Variants in LCN12 observed in about 807,000 individuals in gnomAD.
LCN12 encodes the protein lipocalin 12, also known as epididymal-specific lipocalin-12.
In LCN12, 15 loss-of-function variants were observed where a neutral mutation model predicts 23.7. That is an observed-to-expected ratio of 0.63 (90% CI 0.42 to 0.97). The LOEUF (loss-of-function observed/expected upper bound fraction) is 0.97. Among genes scored for constraint, LCN12 ranks in the 50% least tolerant of loss-of-function variants. LCN12 has a pLI of 0.00. For missense variants in LCN12, 219 were observed against 249.6 expected (o/e 0.88, Z 0.83); for synonymous variants, 116 against 111.5 (o/e 1.04, Z -0.25).
At chr9:136,952,242 G>T, upstream of LCN12, 2 of 914,534 alleles carry the variant, frequency 2.2e-6, no homozygotes, top group Non-Finnish European at 3.5e-6. Context: ...CACCTGCTGG[G>T]TATGTGCATG....
chr9:136,950,072 G>T (rs901619204), upstream of LCN12, among the ~76,000 whole-genome samples: 7 of 150,820 alleles, frequency 4.6e-5, no homozygotes, highest in Non-Finnish European at 1.0e-4. Flanking sequence ...CGTCCTGCAC[G>T]GCCCGTTCCA....
upstream of LCN12, among the ~76,000 whole-genome samples, chr9:136,950,914 G>C (rs888521723): frequency 5.3e-5 from 8 of 152,036 alleles, no homozygotes; most frequent in Non-Finnish European, 1.0e-4. Context: ...GAGGCCCAGG[G>C]CACCTCCTGG....
Position 136,953,173 on chromosome 9 carries a change from G to A in LCN12, c.251+145G>A. ...CCTGCCAATGACCAAACCCAGCTGG[G>A]GAGTATACAAAAAAGTGTGGGCAGC... On this transcript the variant is annotated intron_variant, in intron 2 of 5. Coordinates refer to ENST00000371633, the MANE Select transcript of LCN12 (RefSeq NM_178536.4). 3.5e-6 allele frequency: 4 copies of A among 1,151,366 alleles called. No homozygotes were observed. In the South Asian group the frequency reaches 5.8e-5, roughly 17 times the overall value. 71.3% of individuals were successfully genotyped at this position (1,151,366 alleles called of 1,614,324 possible).
chr9:136,951,108 C>A (rs781314664), upstream of LCN12, among the ~76,000 whole-genome samples: 1 of 150,610 alleles, frequency 6.6e-6, no homozygotes, highest in Non-Finnish European at 1.5e-5. Flanking sequence ...ACATGGAGTC[C>A]AGCACCCAGA....
intron 5 of LCN12, chr9:136,954,649 C>T (rs959498645): frequency 7.0e-6 from 8 of 1,144,236 alleles, no homozygotes; most frequent in African/African-American, 4.8e-5. Context: ...CCATCTCCTC[C>T]CTCTGGGTCC....
At chr9:136,953,208 T>C in intron 2 of LCN12, 180 bp downstream of exon 2, 1 of 772,890 alleles carries the variant, frequency 1.3e-6, no homozygotes, top group Non-Finnish European at 2.1e-6. Flanking sequence ...CTGGGCGCGC[T>C]GGCTCACACC....
Position 136,954,197 on chromosome 9 carries a change from C to T in LCN12, c.492C>T (p.Ile164=), listed in dbSNP as rs778293840. 46 of 1,576,142 alleles carry T rather than the reference C, an allele frequency of 2.9e-5. No homozygotes were observed. The highest frequency in any genetic ancestry group is 4.1e-5 in the African/African-American group (3 of 74,024). ...CTCCCGGGACGCTGGACCAGTTCAT[C>T]TGCCTGGGCAGAGCTCAGGGCCTCT... ...LLPPGTLDQF[I]CLGRAQGLSD... Residue 164 remains isoleucine, a synonymous_variant, in exon 5 of 6, where the codon ATC becomes ATT. Transcript: ENST00000371633.
rs376253287 is a variant in LCN12 at position 136,953,888 on chromosome 9, C to A, written c.372C>A (p.Ser124Arg). 2.5e-6 allele frequency: 4 copies of A among 1,608,492 alleles called. No individual in the cohort carries two copies. The South Asian group carries it at 3.3e-5, about 13-fold the overall frequency. ...ADREETRVVD[S>R]DYTQFALMLS... The stretch of plus-strand genomic sequence containing the variant: ...GAGAGGAGACCCGGGTGGTGGACAG[C>A]GACTACACCCAGTTCGCCCTGATGC... The change falls in exon 4 of 6, where the codon AGC becomes AGA. Residue 124 changes from serine to arginine, a missense_variant. Ser to Arg is a moderately radical substitution (Grantham distance 110). Transcript: ENST00000371633.
upstream of LCN12, among the ~76,000 whole-genome samples, chr9:136,949,235 T>TA (rs1380320501): frequency 8.6e-5 from 13 of 151,712 alleles, no homozygotes; most frequent in Non-Finnish European, 1.3e-4. Context: ...CATCTCTATT[T>TA]AAAAAAAAAG....
At chr9:136,954,489 C>G (rs1181150601) in intron 5 of LCN12, 1 of 598,500 alleles carries the variant, frequency 1.7e-6, no homozygotes, top group Non-Finnish European at 3.0e-6. Context: ...GTCTCCTGTC[C>G]CGGGCCACCT....
rs758161249 is a variant in LCN12 at position 136,953,059 on chromosome 9, G to A, written c.251+31G>A. 5 of 1,611,126 alleles carry A rather than the reference G, an allele frequency of 3.1e-6. No homozygotes were observed. In the Admixed American group the frequency reaches 6.7e-5, roughly 21 times the overall value. On this transcript the variant is annotated intron_variant, in intron 2 of 5. Transcript: ENST00000371633. ...TGGCTGTCCCTGCCGTTCCAAGCGG[G>A]TGAGGAGGATCCCGGGCCTGGGTCC...
Position 136,955,492 on chromosome 9 carries a change from C to T in LCN12, c.*93C>T. ...CTCAAACCTGAATAAATGCACCAAG[C>T]CCAGAGCCCCAGAGTGTGACCACTA... On this transcript the variant is annotated 3_prime_UTR_variant, in exon 6 of 6. Transcript: ENST00000371633. The T allele has an allele frequency of 7.6e-7, 1 of 1,319,092 alleles. No individual in the cohort carries two copies. Among genetic ancestry groups the T allele is most frequent in the Non-Finnish European group, 1.1e-6 (1 of 931,318 alleles). 81.7% of individuals were successfully genotyped at this position (1,319,092 alleles called of 1,614,324 possible).
At position 136,953,001 on chromosome 9, in the gene LCN12, G is replaced by A. The variant is rs748769649; in HGVS notation, c.224G>A (p.Arg75His). 30 of 1,613,942 alleles carry A rather than the reference G, an allele frequency of 1.9e-5. No individual in the cohort carries two copies. Among genetic ancestry groups the A allele is most frequent in the South Asian group, 1.3e-4 (12 of 91,090 alleles). The change falls in exon 2 of 6, where the codon CGC becomes CAC. Residue 75 changes from arginine (R) to histidine (H), a missense_variant. Arg to His is a conservative substitution (Grantham distance 29). Transcript: ENST00000371633. ...TATFELSDDGRFEVWNAMTRG... is the reference protein window; with the variant it reads ...TATFELSDDGHFEVWNAMTRG... The stretch of plus-strand genomic sequence containing the variant: ...ACTTTTGAGCTAAGTGATGATGGCC[G>A]CTTTGAGGTGTGGAATGCGATGACT...
At chr9:136,953,328 C>T (rs56393560) in intron 2 of LCN12, 7,062 of 488,148 alleles carry the variant, frequency 0.014, 192 homozygotes, top group Admixed American at 0.096. Context: ...CTTCAGGGGC[C>T]GGGCGCGCTG....
chr9:136,949,361 G>C (rs1306961731), upstream of LCN12, among the ~76,000 whole-genome samples: 2 of 152,252 alleles, frequency 1.3e-5, no homozygotes, highest in African/African-American at 4.8e-5. Context: ...TGAGAGTGCT[G>C]TGTGGGGCCC....
Position 136,952,637 on chromosome 9 carries a change from G to C in LCN12, c.114+196G>C, listed in dbSNP as rs13283724. The C allele has an allele frequency of 0.21, 134,475 of 630,172 alleles. 15,508 individuals are homozygous for C. The highest frequency in any genetic ancestry group is 0.24 in the Non-Finnish European group (88,686 of 364,120). The allele number at this position is 630,172 out of a possible 1,614,324, so 39.0% of individuals were successfully genotyped here. On this transcript the variant is annotated intron_variant, in intron 1 of 5. Coordinates refer to ENST00000371633, the MANE Select transcript of LCN12 (RefSeq NM_178536.4). ...TCCTGGCACCCATTCCCTGCCGTCA[G>C]CCCAGCCCATCGCTCCCTCTGTGCG... is the stretch of plus-strand genomic sequence containing the variant.
upstream of LCN12, among the ~76,000 whole-genome samples, chr9:136,950,363 C>T (rs1275845421): frequency 6.6e-6 from 1 of 152,176 alleles, no homozygotes. Flanking sequence ...AGCATGGGGC[C>T]TGAGGCGCTG....
intron 5 of LCN12, chr9:136,955,043 G>T: frequency 7.2e-7 from 1 of 1,398,286 alleles, no homozygotes; most frequent in Non-Finnish European, 9.3e-7. Flanking sequence ...CACACGTGCT[G>T]GTCTGCACAC....
intron 5 of LCN12, 141 bp from the exon 6 acceptor site, chr9:136,955,230 G>T: frequency 6.8e-7 from 1 of 1,462,060 alleles, no homozygotes; most frequent in South Asian, 1.4e-5. Context: ...CCTTCCCCTA[G>T]ACCCACTGCT....
Sources: gnomAD v4.1 joint callset for allele counts (sites outside exome capture counted in the v4.1 genomes callset) on GRCh38, gnomAD v4.1.1 for gene constraint, MANE v1.5 for transcripts, NCBI Gene and HGNC (gene_info 2026-07-23, HGNC 2026-07-21) for gene names.